Variants in GMDS observed in about 807,000 individuals in gnomAD.
GMDS encodes GDP-mannose 4,6-dehydratase.
GMDS carries 20 observed loss-of-function variants against 49.9 expected under a neutral mutation model. That is an observed-to-expected ratio of 0.40 (90% confidence interval 0.28 to 0.58). The LOEUF (loss-of-function observed/expected upper bound fraction) is 0.58. Ranked by LOEUF, GMDS falls within the 20% of genes least tolerant of loss-of-function variation. GMDS has a pLI of 0.42. For synonymous variants in GMDS, 177 were observed against 178.6 expected, an observed-to-expected ratio of 0.99 and a Z score of 0.07; for missense variants, 362 against 481.4, an observed-to-expected ratio of 0.75 and a Z score of 2.32.
chr6:1,631,621 C>G (rs1409966867), intron 9 of GMDS, among the ~76,000 whole-genome samples: 1 of 151,946 alleles, frequency 6.6e-6, no homozygotes, highest in Non-Finnish European at 1.5e-5. Context: ...TTCAACACAC[C>G]TCACTTCAAT....
At chr6:2,242,148 G>A (rs1781642765) in intron 1 of GMDS, among the ~76,000 whole-genome samples, 1 of 152,198 alleles carries the variant, frequency 6.6e-6, no homozygotes, top group African/African-American at 2.4e-5. Context: ...GGATTAGGCT[G>A]AGAACACTGA....
At chr6:1,983,292 G>A (rs1409130009) in intron 4 of GMDS, among the ~76,000 whole-genome samples, 1 of 152,060 alleles carries the variant, frequency 6.6e-6, no homozygotes, top group Non-Finnish European at 1.5e-5. Context: ...GAAAATCTAG[G>A]CAATACCATT....
At chr6:1,669,900 G>A (rs1309713518) in intron 9 of GMDS, among the ~76,000 whole-genome samples, 1 of 119,708 alleles carries the variant, frequency 8.4e-6, no homozygotes, top group Non-Finnish European at 1.6e-5. Flanking sequence ...GTGAAAAAGC[G>A]AGACGAGACT....
At chr6:2,197,702 T>C (rs553125322) in intron 1 of GMDS, among the ~76,000 whole-genome samples, 30 of 152,280 alleles carry the variant, frequency 2.0e-4, no homozygotes, top group South Asian at 1.0e-3. Context: ...TTTAACAGGA[T>C]AATATGGCTT....
chr6:1,824,712 A>G (rs1581225511), intron 7 of GMDS, among the ~76,000 whole-genome samples: 1 of 152,340 alleles, frequency 6.6e-6, no homozygotes, highest in East Asian at 1.9e-4. Context: ...CTTTTAAAGC[A>G]GGGACAAAAT....
At chr6:1,835,128 G>A (rs184067578) in intron 7 of GMDS, among the ~76,000 whole-genome samples, 8 of 152,256 alleles carry the variant, frequency 5.3e-5, no homozygotes, top group African/African-American at 7.2e-5. Context: ...CAAATAACAC[G>A]GACGGGAGGG....
chr6:2,048,051 C>A (rs935285478), intron 4 of GMDS, among the ~76,000 whole-genome samples: 4 of 152,134 alleles, frequency 2.6e-5, no homozygotes, highest in African/African-American at 9.7e-5. Context: ...TGAAAACTAG[C>A]GTTCAAGAAG....
intron 9 of GMDS, among the ~76,000 whole-genome samples, chr6:1,644,102 C>T (rs1029466277): frequency 5.3e-5 from 8 of 152,190 alleles, no homozygotes; most frequent in African/African-American, 7.2e-5. Context: ...AAGGAACCCC[C>T]GGTCTGAGGT....
At chr6:1,704,896 C>T (rs947842369) in intron 9 of GMDS, among the ~76,000 whole-genome samples, 2 of 152,118 alleles carry the variant, frequency 1.3e-5, no homozygotes, top group Non-Finnish European at 2.9e-5. Flanking sequence ...CAAGTACATA[C>T]TTGTTCTTCC....
At chr6:2,110,637 G>C (rs932297538) in intron 4 of GMDS, among the ~76,000 whole-genome samples, 2 of 152,056 alleles carry the variant, frequency 1.3e-5, no homozygotes, top group African/African-American at 4.8e-5. Flanking sequence ...CTGCTAACTT[G>C]TCCCGCACAA....
At chr6:2,127,731 C>T (rs1775531313) in intron 1 of GMDS, among the ~76,000 whole-genome samples, 1 of 152,184 alleles carries the variant, frequency 6.6e-6, no homozygotes, top group Non-Finnish European at 1.5e-5. Context: ...CTCGTCCTTT[C>T]CCCAGGCCCC....
chr6:1,949,336 G>C (rs1196820293), intron 6 of GMDS, among the ~76,000 whole-genome samples: 4 of 147,816 alleles, frequency 2.7e-5, no homozygotes, highest in African/African-American at 7.9e-5. Flanking sequence ...CACAGCTGAT[G>C]ATGAGTGGCC....
chr6:1,814,689 T>C (rs1405349909), intron 7 of GMDS, among the ~76,000 whole-genome samples: 2 of 152,210 alleles, frequency 1.3e-5, no homozygotes, highest in East Asian at 3.8e-4. Flanking sequence ...AACTTAAAAA[T>C]TATATTCATA....
At chr6:1,913,261 G>T (rs1193150445) in intron 7 of GMDS, among the ~76,000 whole-genome samples, 1 of 150,556 alleles carries the variant, frequency 6.6e-6, no homozygotes, top group South Asian at 2.1e-4. Flanking sequence ...GGCGCCTGTA[G>T]TCCCAGCTAC....
At chr6:1,711,636 T>C (rs1765969555) in intron 9 of GMDS, among the ~76,000 whole-genome samples, 1 of 152,236 alleles carries the variant, frequency 6.6e-6, no homozygotes, top group Non-Finnish European at 1.5e-5. Flanking sequence ...TCTGCAATTT[T>C]TGCACACGTT....
chr6:2,186,168 A>G (rs1778770038), intron 1 of GMDS, among the ~76,000 whole-genome samples: 1 of 152,182 alleles, frequency 6.6e-6, no homozygotes, highest in Non-Finnish European at 1.5e-5. Flanking sequence ...AAGTGTACAA[A>G]CAGAAACATA....
At chr6:1,765,409 T>A (rs1371921168) in intron 7 of GMDS, among the ~76,000 whole-genome samples, 1 of 152,152 alleles carries the variant, frequency 6.6e-6, no homozygotes, top group Non-Finnish European at 1.5e-5. Context: ...GAGAAGGCTG[T>A]GGTCTGAAAA....
intron 7 of GMDS, among the ~76,000 whole-genome samples, chr6:1,776,402 G>T (rs1167535214): frequency 6.6e-6 from 1 of 152,132 alleles, no homozygotes; most frequent in Admixed American, 6.5e-5. Flanking sequence ...AAAATGGTCT[G>T]TGGGGCCAGG....
intron 1 of GMDS, among the ~76,000 whole-genome samples, chr6:2,143,550 A>T (rs1486641910): frequency 1.3e-5 from 2 of 152,202 alleles, no homozygotes; most frequent in African/African-American, 4.8e-5. Flanking sequence ...TTTTTTTAAA[A>T]GCAGAAATCA....
Sources: allele counts gnomAD v4.1 joint callset (sites outside exome capture counted in the v4.1 genomes callset), GRCh38; gene constraint gnomAD v4.1.1; transcripts MANE v1.5; gene names NCBI Gene and HGNC (gene_info 2026-07-23, HGNC 2026-07-21).